The following IQCM variants were observed in gnomAD, a reference collection of about 807,000 sequenced individuals.
IQCM encodes the protein IQ motif containing M, also known as IQ domain-containing protein M.
A neutral mutation model predicts 57.6 loss-of-function variants in IQCM; 45 were observed. The observed-to-expected ratio is 0.78, with a 90% confidence interval of 0.62 to 1.00. IQCM has a LOEUF of 1.00. Ranked by LOEUF, IQCM falls within the 50% of genes least tolerant of loss-of-function variation. The pLI, the probability that IQCM is intolerant of heterozygous loss-of-function variation, is 0.00. For synonymous variants in IQCM, 148 were observed against 158.9 expected, an observed-to-expected ratio of 0.93 and a Z score of 0.51; for missense variants, 468 against 511.6, an observed-to-expected ratio of 0.91 and a Z score of 0.82.
intron 12 of IQCM, among the ~76,000 whole-genome samples, chr4:149,522,388 A>G (rs964819181): frequency 2.0e-5 from 3 of 152,204 alleles, no homozygotes; most frequent in Non-Finnish European, 4.4e-5. Flanking sequence ...CAGAACACCC[A>G]AAACAGATGG....
At chr4:149,448,624 T>G (rs929086560) in intron 12 of IQCM, among the ~76,000 whole-genome samples, 4 of 151,728 alleles carry the variant, frequency 2.6e-5, no homozygotes, top group African/African-American at 9.7e-5. Context: ...AAAAAATTTT[T>G]CAATATCAGG....
chr4:149,697,608 C>G (rs1283573794), intron 5 of IQCM, among the ~76,000 whole-genome samples: 1 of 152,044 alleles, frequency 6.6e-6, no homozygotes, highest in East Asian at 1.9e-4. Flanking sequence ...TCCTTCAGAT[C>G]TCAAATCAAA....
chr4:149,549,764 T>C (rs991694298), intron 11 of IQCM, among the ~76,000 whole-genome samples: 2 of 152,188 alleles, frequency 1.3e-5, no homozygotes, highest in Non-Finnish European at 1.5e-5. Flanking sequence ...AAGTGGTTTC[T>C]AACAGAAGTT....
At chr4:149,385,051 T>C (rs1294352474) in intron 13 of IQCM, among the ~76,000 whole-genome samples, 1 of 151,528 alleles carries the variant, frequency 6.6e-6, no homozygotes, top group African/African-American at 2.4e-5. Context: ...TGGGGGAGAG[T>C]TGAGGGGTGG....
intron 5 of IQCM, among the ~76,000 whole-genome samples, chr4:149,713,866 TCTC>T (rs1288471886): frequency 6.6e-6 from 1 of 152,208 alleles, no homozygotes; most frequent in East Asian, 1.9e-4. Context: ...TGATTTTCCC[TCTC>T]CTCCTAATTG....
intron 7 of IQCM, among the ~76,000 whole-genome samples, chr4:149,672,939 C>T (rs1761431652): frequency 6.6e-6 from 1 of 152,194 alleles, no homozygotes. Flanking sequence ...TCGGCAGAAA[C>T]TCTACATGCC....
At chr4:149,755,215 T>C (rs1768848269) in intron 2 of IQCM, among the ~76,000 whole-genome samples, 1 of 152,150 alleles carries the variant, frequency 6.6e-6, no homozygotes. Flanking sequence ...ATCCATGACC[T>C]ACTCCCAACC....
intron 13 of IQCM, among the ~76,000 whole-genome samples, chr4:149,390,771 A>AT (rs1731794263): frequency 6.6e-6 from 1 of 151,828 alleles, no homozygotes; most frequent in South Asian, 2.1e-4. Flanking sequence ...ATCTCACTTG[A>AT]TCATGGGGTG....
chr4:149,659,897 T>C (rs892560058), intron 7 of IQCM, among the ~76,000 whole-genome samples: 1 of 151,570 alleles, frequency 6.6e-6, no homozygotes, highest in Non-Finnish European at 1.5e-5. Context: ...AACCTAGGCA[T>C]TACCATTCAG....
At position 149,495,585 on chromosome 4, in the gene IQCM, A is replaced by G. The variant is rs573188533; in HGVS notation, c.1228+52870T>C. On this transcript the variant is annotated intron_variant, in intron 12 of 13. Transcript: ENST00000636793. The stretch of plus-strand genomic sequence containing the variant: ...ACTAAAAGTGCTATGGTAAAAGTAC[A>G]GTAGAGTAAATATTGATTCCAAGTC... Among the ~76,000 whole-genome samples the G allele has an allele frequency of 2.0e-5, 3 of 152,302 alleles. No individual in the cohort carries two copies. In the South Asian group the frequency reaches 6.2e-4, roughly 32 times the overall value.
chr4:149,516,827 G>C (rs1377670103), intron 12 of IQCM, among the ~76,000 whole-genome samples: 1 of 152,038 alleles, frequency 6.6e-6, no homozygotes, highest in Non-Finnish European at 1.5e-5. Flanking sequence ...CAGTAAACTG[G>C]AAGTTAAGAT....
chr4:149,452,622 A>G lies in IQCM; in HGVS notation c.1229-19065T>C, dbSNP rs558641057. 4.7e-4 allele frequency among the ~76,000 whole-genome samples: 72 copies of G among 151,798 alleles called. 1 individual carries two copies. The South Asian group carries it at 0.015, about 32-fold the overall frequency. On this transcript the variant is annotated intron_variant, in intron 12 of 13. Coordinates refer to ENST00000636793, the MANE Select transcript of IQCM (RefSeq NM_001363507.2). ...GAATAATTGACATATAAAAAGCTGT[A>G]CAAAATTAGTGTATACATATTGTGC...
At chr4:149,481,701 G>GTTTTTTGTTTTTTT (rs1553975386) in intron 12 of IQCM, among the ~76,000 whole-genome samples, 2 of 51,550 alleles carry the variant, frequency 3.9e-5, no homozygotes, top group African/African-American at 7.6e-5. Flanking sequence ...TTCCAGTTTT[G>GTTTTTTGTTTTTTT]TTTTTTTTTT....
intron 2 of IQCM, among the ~76,000 whole-genome samples, chr4:149,804,828 T>C (rs1318421236): frequency 6.6e-6 from 1 of 152,042 alleles, no homozygotes; most frequent in Admixed American, 6.6e-5. Context: ...TTGAAAGATA[T>C]TTAGTGTATT....
chr4:149,708,734 T>C lies in IQCM; in HGVS notation c.386-22266A>G, dbSNP rs556918187. Among the ~76,000 whole-genome samples, 4 of 152,180 alleles carry C rather than the reference T, an allele frequency of 2.6e-5. No individual in the cohort carries two copies. In the South Asian group the frequency reaches 8.3e-4, roughly 32 times the overall value. ...ATATATCTCAAACATCTTGACATACTTTCTCACCTTGCATTAGGAGTCATA... is the reference window on the plus strand; with the variant it reads ...ATATATCTCAAACATCTTGACATACCTTCTCACCTTGCATTAGGAGTCATA... On this transcript the variant is annotated intron_variant, in intron 5 of 13. Transcript: ENST00000636793.
chr4:149,588,174 C>A (rs1359294165), intron 8 of IQCM, among the ~76,000 whole-genome samples, 177 bp from the exon 9 acceptor site: 1 of 151,660 alleles, frequency 6.6e-6, no homozygotes, highest in Non-Finnish European at 1.5e-5. Context: ...GACTGTTGAA[C>A]CTCCTTCAGA....
intron 12 of IQCM, among the ~76,000 whole-genome samples, chr4:149,517,801 T>A (rs1249538030): frequency 6.6e-6 from 1 of 152,170 alleles, no homozygotes; most frequent in Non-Finnish European, 1.5e-5. Context: ...GATAGGTCTT[T>A]GTCCTGTGCT....
In IQCM at chr4:149,805,458, C is replaced by G. The variant is rs77832701; in HGVS notation, c.-49+9853G>C. On this transcript the variant is annotated intron_variant, in intron 2 of 13. Coordinates refer to ENST00000636793, the MANE Select transcript of IQCM (RefSeq NM_001363507.2). ...GATGGTCATTTCTAGCCACATGAAA[C>G]CAAGAGGAACAAACATCCTGAAGAA... Among the ~76,000 whole-genome samples, 471 of 152,062 alleles carry G rather than the reference C, an allele frequency of 3.1e-3. 4 individuals are homozygous for G. Among genetic ancestry groups the G allele is most frequent in the African/African-American group, 0.011 (451 of 41,540 alleles).
intron 12 of IQCM, among the ~76,000 whole-genome samples, chr4:149,535,396 T>C (rs1033789000): frequency 6.6e-6 from 1 of 152,038 alleles, no homozygotes; most frequent in South Asian, 2.1e-4. Context: ...TCAGGGAGTT[T>C]ATATTCCTGG....
Sources: allele counts gnomAD v4.1 joint callset (sites outside exome capture counted in the v4.1 genomes callset), GRCh38; gene constraint gnomAD v4.1.1; transcripts MANE v1.5; gene names NCBI Gene and HGNC (gene_info 2026-07-23, HGNC 2026-07-21).